The following MYO18B variants were observed in gnomAD, a reference collection of about 807,000 sequenced individuals.
MYO18B encodes unconventional myosin-XVIIIb.
In MYO18B, 204 loss-of-function variants were observed where a neutral mutation model predicts 273.0. The observed-to-expected ratio is 0.75, with a 90% CI of 0.67 to 0.84. The LOEUF (loss-of-function observed/expected upper bound fraction) is 0.84, where lower values mean the gene tolerates loss of function less well. Among genes scored for constraint, MYO18B ranks in the 40% least tolerant of loss-of-function variants. MYO18B has a pLI of 0.00. For missense variants in MYO18B, 3,212 were observed against 3,287.6 expected (o/e 0.98, Z 0.56); for synonymous variants, 1,330 against 1,305.7 (o/e 1.02, Z -0.40).
At chr22:26,025,222 T>C (rs111426852) in intron 42 of MYO18B, among the ~76,000 whole-genome samples, 8,188 of 152,254 alleles carry the variant, frequency 0.054, 326 homozygotes, top group South Asian at 0.17. Context: ...CTCCCGTGCC[T>C]TCCATGGCCA....
intron 36 of MYO18B, among the ~76,000 whole-genome samples, chr22:25,948,459 C>CTTCTTTCT (rs1158700194): frequency 6.6e-4 from 45 of 67,718 alleles, no homozygotes; most frequent in African/African-American, 2.1e-3. Context: ...TCCTTCCTTC[C>CTTCTTTCT]TTCTTTCTTT....
intron 38 of MYO18B, among the ~76,000 whole-genome samples, chr22:25,953,273 T>C (rs2092812643): frequency 6.6e-6 from 1 of 152,196 alleles, no homozygotes; most frequent in Non-Finnish European, 1.5e-5. Flanking sequence ...TACAGTCCTG[T>C]GAGGCAGGTA....
chr22:25,822,262 C>T (rs992143688), intron 12 of MYO18B, among the ~76,000 whole-genome samples: 8 of 152,198 alleles, frequency 5.3e-5, no homozygotes, highest in African/African-American at 1.9e-4. Flanking sequence ...TATGTAGTAC[C>T]TCCTTCTCAC....
chr22:25,913,842 A>G (rs2092208718), intron 33 of MYO18B, among the ~76,000 whole-genome samples: 1 of 152,240 alleles, frequency 6.6e-6, no homozygotes, highest in South Asian at 2.1e-4. Context: ...CCTTAGCTTA[A>G]TAAAAAATAT....
Position 25,992,430 on chromosome 22 carries a change from G to T in MYO18B, c.6224G>T (p.Arg2075Leu). 6.2e-7 allele frequency: 1 copy of T among 1,613,986 alleles called. No homozygotes were observed. The highest frequency in any genetic ancestry group is 8.5e-7 in the Non-Finnish European group (1 of 1,179,892). Reference sequence around the variant, plus strand: ...CAGACAGACCTGGAGACATCCATTCGGCGGATTGCCGACCTGCAGGCTGCC... The same window carrying T: ...CAGACAGACCTGGAGACATCCATTCTGCGGATTGCCGACCTGCAGGCTGCC... ...TLQTDLETSI[R>L]RIADLQAALE... Residue 2075 changes from arginine (R) to leucine (L), a missense_variant, in exon 40 of 44, where the codon CGG becomes CTG. Arg to Leu is a moderately radical substitution (Grantham distance 102, BLOSUM62 -2). Coordinates refer to ENST00000335473, the MANE Select transcript of MYO18B (RefSeq NM_032608.7).
Position 26,027,580 on chromosome 22 carries a change from G to A in MYO18B, c.7606G>A (p.Asp2536Asn). The change falls in exon 43 of 44, where the codon GAC becomes AAC. Residue 2536 changes from aspartate (D) to asparagine (N), a missense_variant. Physicochemically the swap from Asp to Asn is conservative, Grantham distance 23 (BLOSUM62 1). Coordinates refer to ENST00000335473, the MANE Select transcript of MYO18B (RefSeq NM_032608.7). The surrounding 1 kb of genome is among the most constrained non-coding windows in gnomAD (Gnocchi z 4.1). Reference sequence around the variant, plus strand: ...ACCAGGAATCCCACGACTTGCGGGTGACGGTGGCGAGCGAACGTCCCCCGA... The same window carrying A: ...ACCAGGAATCCCACGACTTGCGGGTAACGGTGGCGAGCGAACGTCCCCCGA... ...SRPGIPRLAG[D>N]GGERTSPERR... 1.9e-6 allele frequency: 3 copies of A among 1,614,020 alleles called. No individual in the cohort carries two copies. Among genetic ancestry groups the A allele is most frequent in the Non-Finnish European group, 2.5e-6 (3 of 1,179,908 alleles).
chr22:25,769,837 C>T (rs2086651779), intron 4 of MYO18B, among the ~76,000 whole-genome samples: 1 of 151,808 alleles, frequency 6.6e-6, no homozygotes, highest in Non-Finnish European at 1.5e-5. Flanking sequence ...GAGTGGGGCC[C>T]AGGAATCTGC....
At chr22:25,858,621 A>G (rs957449770) in intron 21 of MYO18B, among the ~76,000 whole-genome samples, 7 of 152,176 alleles carry the variant, frequency 4.6e-5, no homozygotes, top group Admixed American at 4.6e-4. Context: ...CTAGGAAACA[A>G]TGGAACTCTG....
chr22:25,868,713 G>T (rs184335052), intron 22 of MYO18B, among the ~76,000 whole-genome samples: 2 of 152,132 alleles, frequency 1.3e-5, no homozygotes, highest in African/African-American at 4.8e-5. Context: ...GAGAAGAACT[G>T]CTCATCTTCA....
intron 30 of MYO18B, 117 bp from the exon 31 acceptor site, chr22:25,903,514 C>G (rs2091979121): frequency 9.6e-7 from 1 of 1,037,842 alleles, no homozygotes; most frequent in Non-Finnish European, 1.4e-6. Flanking sequence ...GTGGAAATGG[C>G]AGGCATTGGA....
At chr22:25,888,692 A>G (rs966785193) in intron 25 of MYO18B, among the ~76,000 whole-genome samples, 1 of 152,208 alleles carries the variant, frequency 6.6e-6, no homozygotes, top group African/African-American at 2.4e-5. Flanking sequence ...AGAGTCCCTC[A>G]TTAATTAACT....
rs1404952051 is a variant in MYO18B, at chr22:25,796,337, C to A, written c.2377-1616C>A. ...CAGTGGCTCACGCCTGTAATCCCAGCACTTTCAGAGGCCATGGTGGGAGGA... is the reference window on the plus strand; with the variant it reads ...CAGTGGCTCACGCCTGTAATCCCAGAACTTTCAGAGGCCATGGTGGGAGGA... On this transcript the variant is annotated intron_variant, in intron 11 of 43. Transcript: ENST00000335473. 6.6e-5 allele frequency among the ~76,000 whole-genome samples: 10 copies of A among 152,166 alleles called. No individual in the cohort carries two copies. In the East Asian group the frequency reaches 1.7e-3, roughly 26 times the overall value.
At chr22:25,778,430 T>C (rs9613019) in intron 8 of MYO18B, among the ~76,000 whole-genome samples, 77,947 of 151,782 alleles carry the variant, frequency 0.51, 21,272 homozygotes, top group East Asian at 0.63. Context: ...TCAGAGTAAA[T>C]GCTTGCTGAA....
intron 21 of MYO18B, among the ~76,000 whole-genome samples, chr22:25,852,133 T>C (rs1028582502): frequency 1.2e-4 from 18 of 152,260 alleles, no homozygotes; most frequent in African/African-American, 4.3e-4. Flanking sequence ...TTAGGAAATA[T>C]TTACATCAGG....
At chr22:26,049,400 A>G in the MYO18B span, among the ~76,000 whole-genome samples, 1 of 152,240 alleles carries the variant, frequency 6.6e-6, no homozygotes, top group African/African-American at 2.4e-5. Flanking sequence ...GTGGAAGAGG[A>G]TATACTTTTT....
At chr22:25,755,732 G>T (rs1278939592) in intron 1 of MYO18B, among the ~76,000 whole-genome samples, 1 of 152,022 alleles carries the variant, frequency 6.6e-6, no homozygotes, top group African/African-American at 2.4e-5. Context: ...AACCAGTCTG[G>T]TACTTCCCTC....
chr22:25,860,592 T>C (rs695312), intron 21 of MYO18B, among the ~76,000 whole-genome samples: 8,884 of 152,282 alleles, frequency 0.058, 574 homozygotes, highest in African/African-American at 0.16. Flanking sequence ...TGGCCCGTTG[T>C]TTATTAAGAA....
chr22:25,921,955 G>A lies in MYO18B; in HGVS notation c.5517+546G>A, dbSNP rs1264835976. 4.6e-5 allele frequency among the ~76,000 whole-genome samples: 7 copies of A among 152,134 alleles called. No homozygotes were observed. The East Asian group carries it at 9.7e-4, about 21-fold the overall frequency. On this transcript the variant is annotated intron_variant, in intron 34 of 43. Transcript: ENST00000335473. ...CAATAGCAACAGTTATACAAACGTT[G>A]GCAGTTTGACTGCCTATTAGTATGC...
intron 22 of MYO18B, among the ~76,000 whole-genome samples, chr22:25,870,053 A>G (rs2091004812): frequency 6.6e-6 from 1 of 152,190 alleles, no homozygotes; most frequent in African/African-American, 2.4e-5. Context: ...TTCCTGCTTT[A>G]CAGATGAGGA....
Sources: allele counts gnomAD v4.1 joint callset (sites outside exome capture counted in the v4.1 genomes callset), GRCh38; gene constraint gnomAD v4.1.1; non-coding constraint Gnocchi (gnomAD v3.1); transcripts MANE v1.5; gene names NCBI Gene and HGNC (gene_info 2026-07-23, HGNC 2026-07-21).